Variants in ODF4 observed in about 807,000 individuals in gnomAD.
ODF4 encodes the protein outer dense fiber of sperm tails 4.
A neutral mutation model predicts 17.0 loss-of-function variants in ODF4; 11 were observed. The observed-to-expected ratio is 0.65, with a 90% CI of 0.41 to 1.07. ODF4 has a LOEUF of 1.07. ODF4 is among the 50% of genes least tolerant of loss of function. ODF4 has a pLI of 0.00. For synonymous variants in ODF4, 127 were observed against 121.8 expected, an observed-to-expected ratio of 1.04 and a Z score of -0.28; for missense variants, 281 against 310.2, an observed-to-expected ratio of 0.91 and a Z score of 0.71.
chr17:8,340,018 G>T lies in ODF4; in HGVS notation c.-34G>T, dbSNP rs896905935. On this transcript the variant is annotated 5_prime_UTR_variant, in exon 1 of 3. Coordinates refer to ENST00000328248, the MANE Select transcript of ODF4 (RefSeq NM_153007.5). Reference sequence around the variant, plus strand: ...GAAGAGACAATTGAGTCTGGTGAGGGAAAGGGGAGACAGAGGGTGAAGTGG... The same window carrying T: ...GAAGAGACAATTGAGTCTGGTGAGGTAAAGGGGAGACAGAGGGTGAAGTGG... The T allele has an allele frequency of 7.3e-7, 1 of 1,377,248 alleles. No individual in the cohort carries two copies. The highest frequency in any genetic ancestry group is 1.4e-5 in the African/African-American group (1 of 69,386). 85.3% of individuals were successfully genotyped at this position (1,377,248 alleles called of 1,614,324 possible).
Position 8,345,767 on chromosome 17 carries a change from A to C in ODF4, c.689A>C (p.Glu230Ala). 1.2e-6 allele frequency: 2 copies of C among 1,614,094 alleles called. No homozygotes were observed. Among genetic ancestry groups the C allele is most frequent in the East Asian group, 4.5e-5 (2 of 44,876 alleles). Residue 230 changes from glutamate (E) to alanine (A), a missense_variant, in exon 3 of 3, where the codon GAA becomes GCA. Physicochemically the swap from Glu to Ala is moderately radical, Grantham distance 107. Coordinates refer to ENST00000328248, the MANE Select transcript of ODF4 (RefSeq NM_153007.5). This position sits in a 1 kb window ranked among gnomAD's most constrained non-coding sequence, Gnocchi z 4.1. ...SCSSSFGSVE[E>A]SPRAQTITDT... is the part of the protein sequence containing the mutation. ...AGCAGCAGTTTCGGCTCAGTAGAAGAATCTCCAAGGGCACAGACGATCACA... is the reference window on the plus strand; with the variant it reads ...AGCAGCAGTTTCGGCTCAGTAGAAGCATCTCCAAGGGCACAGACGATCACA...
rs12936935 is a variant in ODF4, at chr17:8,340,467, A to G, written c.416A>G (p.Tyr139Cys). 0.61 allele frequency: 979,895 copies of G among 1,611,730 alleles called. 301,282 individuals are homozygous for G. The highest frequency in any genetic ancestry group is 0.71 in the Middle Eastern group (3,984 of 5,622). Residue 139 changes from tyrosine to cysteine, a missense_variant, in exon 1 of 3, where the codon TAC becomes TGC. Transcript: ENST00000328248. Reference protein sequence around the residue: ...HVMSMGLLHFYKSRSCSDLEN... With the variant: ...HVMSMGLLHFCKSRSCSDLEN... ...ATGTCCATGGGGCTCCTGCACTTTTACAAATCCAGGAGCTGTTCTGACTTA... is the reference window on the plus strand; with the variant it reads ...ATGTCCATGGGGCTCCTGCACTTTTGCAAATCCAGGAGCTGTTCTGACTTA...
Position 8,345,355 on chromosome 17 carries a change from T to C in ODF4, c.467T>C (p.Phe156Ser). Reference protein sequence around the residue: ...DLENGKVTFIFSTLMLFPINI... With the variant: ...DLENGKVTFISSTLMLFPINI... ...TCCTGTCTCCTAGTCACCTTCATCT[T>C]CTCCACCCTCATGCTATTCCCCATT... The change falls in exon 2 of 3, where the codon TTC becomes TCC. Residue 156 changes from phenylalanine (F) to serine (S), a missense_variant. Coordinates refer to ENST00000328248, the MANE Select transcript of ODF4 (RefSeq NM_153007.5). This position sits in a 1 kb window ranked among gnomAD's most constrained non-coding sequence, Gnocchi z 4.1. 6.2e-7 allele frequency: 1 copy of C among 1,613,810 alleles called. No homozygotes were observed. The highest frequency in any genetic ancestry group is 8.5e-7 in the Non-Finnish European group (1 of 1,179,770).
chr17:8,344,801 A>C, intron 1 of ODF4: 1 of 904,906 alleles, frequency 1.1e-6, no homozygotes, highest in Non-Finnish European at 1.3e-6. Flanking sequence ...ATTTTCTTGT[A>C]TTTGCTCATT....
At position 8,345,570 on chromosome 17, in the gene ODF4, T is replaced by C; in HGVS notation, c.589+93T>C. The C allele has an allele frequency of 6.5e-7, 1 of 1,536,426 alleles. No homozygotes were observed. Among genetic ancestry groups the C allele is most frequent in the Non-Finnish European group, 8.9e-7 (1 of 1,119,916 alleles). On this transcript the variant is annotated intron_variant, in intron 2 of 2. Coordinates refer to ENST00000328248, the MANE Select transcript of ODF4 (RefSeq NM_153007.5). The surrounding 1 kb of genome is among the most constrained non-coding windows in gnomAD (Gnocchi z 4.1). ...GGAAGAGGCTGGCAATCCCCAGGGC[T>C]AGATTTTTAGGGTCTTATCTTCCCT...
intron 1 of ODF4, among the ~76,000 whole-genome samples, chr17:8,344,513 T>C (rs1247403852): frequency 7.8e-6 from 1 of 127,528 alleles, no homozygotes; most frequent in Non-Finnish European, 1.7e-5. Context: ...GTTTTTTGTT[T>C]TTTGCAGGCG....
rs1380837835 is a variant in ODF4 at position 8,340,048 on chromosome 17, C to A, written c.-4C>A. ...GGGAGACAGAGGGTGAAGTGGTGCT[C>A]AAGATGGATGCAGAGTACTCTGGGA... On this transcript the variant is annotated 5_prime_UTR_variant, in exon 1 of 3. Coordinates refer to ENST00000328248, the MANE Select transcript of ODF4 (RefSeq NM_153007.5). 6.6e-7 allele frequency: 1 copy of A among 1,508,212 alleles called. No individual in the cohort carries two copies. Among genetic ancestry groups the A allele is most frequent in the South Asian group, 1.4e-5 (1 of 73,672 alleles). The allele number at this position is 1,508,212 out of a possible 1,614,324, so 93.4% of individuals were successfully genotyped here. A position where few individuals can be genotyped will look rare whatever the true frequency, so the allele number is the denominator to read the frequency against.
rs1315051442 is a variant in ODF4 at position 8,340,533 on chromosome 17, C to T, written c.454+28C>T. 6.4e-6 allele frequency: 9 copies of T among 1,411,044 alleles called. No homozygotes were observed. The African/African-American group carries it at 9.9e-5, about 15-fold the overall frequency. The allele number at this position is 1,411,044 out of a possible 1,614,324, so 87.4% of individuals were successfully genotyped here. A position where few individuals can be genotyped will look rare whatever the true frequency, so the allele number is the denominator to read the frequency against. ...GAGCCCCTCCACCCCCCATCCCAGCCCAGGCCGCCAGCCTGTCTTGGCCTC... is the reference window on the plus strand; with the variant it reads ...GAGCCCCTCCACCCCCCATCCCAGCTCAGGCCGCCAGCCTGTCTTGGCCTC... On this transcript the variant is annotated intron_variant, in intron 1 of 2. Transcript: ENST00000328248.
rs537582659 is a variant in ODF4 at position 8,340,423 on chromosome 17, C to A, written c.372C>A (p.Ile124=). 1.9e-6 allele frequency: 3 copies of A among 1,613,774 alleles called. No individual in the cohort carries two copies. Among genetic ancestry groups the A allele is most frequent in the Non-Finnish European group, 2.5e-6 (3 of 1,179,844 alleles). ...QRWPVDVSNR[I]HTSAHVMSMG... ...GGCCCGTGGATGTCAGCAACAGAAT[C>A]CACACATCAGCCCACGTTATGTCCA... Residue 124 remains isoleucine, a synonymous_variant, in exon 1 of 3, where the codon ATC becomes ATA. Coordinates refer to ENST00000328248, the MANE Select transcript of ODF4 (RefSeq NM_153007.5).
intron 1 of ODF4, 21 bp downstream of exon 1, chr17:8,340,526 T>A: frequency 6.6e-7 from 1 of 1,504,418 alleles, no homozygotes; most frequent in Non-Finnish European, 9.2e-7. Flanking sequence ...CCACCCCCCA[T>A]CCCAGCCCAG....
rs1452299881 is a variant in ODF4, at chr17:8,344,291, C to T, written c.455-1052C>T. Reference sequence around the variant, plus strand: ...TGTTGAGCTTTATATGTTTATCAGACATTTGTACTCCTTCTTTGGAGAATT... The same window carrying T: ...TGTTGAGCTTTATATGTTTATCAGATATTTGTACTCCTTCTTTGGAGAATT... On this transcript the variant is annotated intron_variant, in intron 1 of 2. Transcript: ENST00000328248. 1.6e-5 allele frequency among the ~76,000 whole-genome samples: 2 copies of T among 127,652 alleles called. 1 individual carries two copies. Among genetic ancestry groups the T allele is most frequent in the African/African-American group, 6.5e-5 (2 of 30,850 alleles). 83.7% of individuals were successfully genotyped at this position (127,652 alleles called of 152,430 possible). A position where few individuals can be genotyped will look rare whatever the true frequency, so the allele number is the denominator to read the frequency against.
At position 8,345,330 on chromosome 17, in the gene ODF4, T is replaced by A. The variant is rs773435640; in HGVS notation, c.455-13T>A. ...TTGTATGACAATGAGACCCTCTGCC[T>A]CCTGTCTCCTAGTCACCTTCATCTT... is the stretch of plus-strand genomic sequence containing the variant. On this transcript the variant is annotated splice_polypyrimidine_tract_variant and intron_variant, in intron 1 of 2. Transcript: ENST00000328248. This position sits in a 1 kb window ranked among gnomAD's most constrained non-coding sequence, Gnocchi z 4.1. 2 of 1,611,490 alleles carry A rather than the reference T, an allele frequency of 1.2e-6. No homozygotes were observed. Among genetic ancestry groups the A allele is most frequent in the East Asian group, 2.2e-5 (1 of 44,882 alleles).
Position 8,345,793 on chromosome 17 carries a change from GA to G in ODF4, c.716del (p.Asp239AlafsTer23). The G allele has an allele frequency of 6.2e-7, 1 of 1,614,118 alleles. No homozygotes were observed. The highest frequency in any genetic ancestry group is 8.5e-7 in the Non-Finnish European group (1 of 1,180,018). ...ATCTCCAAGGGCACAGACGATCACA[GA>G]CACCCCCATCACCCAGGAGGGAGTC... ...EESPRAQTIT[D>X]TPITQEGVLD... is the part of the protein sequence containing the mutation. On this transcript the variant is annotated frameshift_variant, in exon 3 of 3. Transcript: ENST00000328248. LOFTEE classifies it low-confidence loss of function (END_TRUNC). The surrounding 1 kb of genome is among the most constrained non-coding windows in gnomAD (Gnocchi z 4.1).
intron 1 of ODF4, among the ~76,000 whole-genome samples, chr17:8,340,884 C>CT (rs1905983459): frequency 5.1e-5 from 5 of 97,982 alleles, no homozygotes; most frequent in Middle Eastern, 7.0e-3. Flanking sequence ...ACTCCTGTCT[C>CT]AAAAAAAAAA....
In ODF4 at chr17:8,340,112, C is replaced by G; in HGVS notation, c.61C>G (p.Gln21Glu). The G allele has an allele frequency of 1.3e-6, 2 of 1,543,258 alleles. No homozygotes were observed. Among genetic ancestry groups the G allele is most frequent in the Non-Finnish European group, 1.7e-6 (2 of 1,147,316 alleles). Reference sequence around the variant, plus strand: ...GTCAGAAGGAGAAAGAGACCAACATCAGAGACCTGGAAAGGAAAGGAAGAG... The same window carrying G: ...GTCAGAAGGAGAAAGAGACCAACATGAGAGACCTGGAAAGGAAAGGAAGAG... The part of the protein sequence containing the change: ...PRSEGERDQH[Q>E]RPGKERKSGE... The change falls in exon 1 of 3, where the codon CAG becomes GAG. Residue 21 changes from glutamine (Q) to glutamate (E), a missense_variant. Physicochemically the swap from Gln to Glu is conservative, Grantham distance 29. Transcript: ENST00000328248.
chr17:8,340,342 C>T lies in ODF4; in HGVS notation c.291C>T (p.Val97=), dbSNP rs754664944. The T allele has an allele frequency of 1.9e-6, 3 of 1,612,982 alleles. No individual in the cohort carries two copies. The highest frequency in any genetic ancestry group is 1.7e-6 in the Non-Finnish European group (2 of 1,179,492). Residue 97 remains valine, a synonymous_variant, in exon 1 of 3, where the codon GTC becomes GTT. Coordinates refer to ENST00000328248, the MANE Select transcript of ODF4 (RefSeq NM_153007.5). Reference sequence around the variant, plus strand: ...TGGTTGCCTTTATCCTACTATTGGTCGTGGCCTTCTCCAAGAAATGGCTGG... The same window carrying T: ...TGGTTGCCTTTATCCTACTATTGGTTGTGGCCTTCTCCAAGAAATGGCTGG... The part of the protein sequence containing the change: ...LSLVAFILLL[V]VAFSKKWLDL...
chr17:8,340,212 G>A lies in ODF4; in HGVS notation c.161G>A (p.Ser54Asn). Residue 54 changes from serine (S) to asparagine (N), a missense_variant, in exon 1 of 3, where the codon AGT (serine) becomes AAT (asparagine). Physicochemically the swap from Ser to Asn is conservative, Grantham distance 46. Transcript: ENST00000328248. ...RLLSSTLSLS[S>N]NRSLGQRQNS... ...CTGTCCTCCACCCTCTCCCTCAGTA[G>A]TAACAGGTCCTTGGGCCAGCGCCAG... 6 of 1,613,582 alleles carry A rather than the reference G, an allele frequency of 3.7e-6. No individual in the cohort carries two copies. Among genetic ancestry groups the A allele is most frequent in the Non-Finnish European group, 5.1e-6 (6 of 1,179,622 alleles).
At position 8,345,622 on chromosome 17, in the gene ODF4, C is replaced by A; in HGVS notation, c.590-46C>A. 6.4e-7 allele frequency: 1 copy of A among 1,570,318 alleles called. No homozygotes were observed. Among genetic ancestry groups the A allele is most frequent in the South Asian group, 1.1e-5 (1 of 88,868 alleles). ...TGGTCTCACCCTACTTGTCACTTAA[C>A]CTCCCAGTCACAACTTTCCTCTCCC... On this transcript the variant is annotated intron_variant, in intron 2 of 2. Coordinates refer to ENST00000328248, the MANE Select transcript of ODF4 (RefSeq NM_153007.5). This position sits in a 1 kb window ranked among gnomAD's most constrained non-coding sequence, Gnocchi z 4.1.
chr17:8,343,011 GTGTGAGCCAT>G (rs990133243), intron 1 of ODF4, among the ~76,000 whole-genome samples: 1 of 151,984 alleles, frequency 6.6e-6, no homozygotes, highest in Non-Finnish European at 1.5e-5. Flanking sequence ...GGGATTACCG[GTGTGAGCCAT>G]TGTGCCCAGT....
Sources: gnomAD v4.1 joint callset for allele counts (sites outside exome capture counted in the v4.1 genomes callset) on GRCh38, gnomAD v4.1.1 for gene constraint, Gnocchi (gnomAD v3.1) non-coding constraint, MANE v1.5 for transcripts, NCBI Gene and HGNC (gene_info 2026-07-23, HGNC 2026-07-21) for gene names.